DLGAP4: variants seen among roughly 807,000 people sequenced by gnomAD.
The protein encoded by DLGAP4 is DLG associated protein 4, also known as disks large-associated protein 4.
Under a neutral mutation model 86.9 loss-of-function variants are expected in DLGAP4, and 18 were observed. The ratio of observed to expected loss-of-function variants is 0.21; its 90% CI spans 0.14 to 0.31. DLGAP4 has a LOEUF of 0.31. Among genes scored for constraint, DLGAP4 ranks in the 10% least tolerant of loss-of-function variants. DLGAP4 has a pLI of 1.00. For synonymous variants in DLGAP4, 548 were observed against 574.3 expected, an observed-to-expected ratio of 0.95 and a Z score of 0.65; for missense variants, 1,085 against 1,362.6, an observed-to-expected ratio of 0.80 and a Z score of 3.21.
intron 10 of DLGAP4, among the ~76,000 whole-genome samples, chr20:36,510,607 C>T (rs1438838586): frequency 6.6e-6 from 1 of 151,660 alleles, no homozygotes; most frequent in Non-Finnish European, 1.5e-5. Context: ...GATGGGGTTT[C>T]ACCGTGTTGG....
chr20:36,484,536 C>T (rs2035325785), intron 7 of DLGAP4, among the ~76,000 whole-genome samples: 1 of 152,256 alleles, frequency 6.6e-6, no homozygotes, highest in Non-Finnish European at 1.5e-5. Context: ...GCTGTCTGCA[C>T]TGTGGATACA....
At chr20:36,461,830 G>C (rs1204332639) in intron 7 of DLGAP4, 2 of 976,352 alleles carry the variant, frequency 2.0e-6, no homozygotes, top group Admixed American at 6.9e-5. Context: ...CGCCCGCTTT[G>C]TCTCTCCCCG....
intron 1 of DLGAP4, among the ~76,000 whole-genome samples, chr20:36,331,716 C>G (rs1161687248): frequency 1.3e-5 from 2 of 152,192 alleles, no homozygotes; most frequent in Non-Finnish European, 2.9e-5. Flanking sequence ...AGATGTGGTC[C>G]CTGCCCTCAC....
intron 6 of DLGAP4, among the ~76,000 whole-genome samples, chr20:36,444,408 C>T (rs962746995): frequency 3.3e-5 from 5 of 152,072 alleles, no homozygotes; most frequent in African/African-American, 4.8e-5. Context: ...CTCAACCTCC[C>T]GAGTAGCTGG....
chr20:36,404,847 G>C (rs1161886891), intron 2 of DLGAP4, among the ~76,000 whole-genome samples: 1 of 152,220 alleles, frequency 6.6e-6, no homozygotes, highest in East Asian at 1.9e-4. Flanking sequence ...CAGTCCCATG[G>C]GGACCCTCAT....
At chr20:36,316,552 G>A (rs2065102030) in intron 1 of DLGAP4, among the ~76,000 whole-genome samples, 1 of 152,132 alleles carries the variant, frequency 6.6e-6, no homozygotes, top group African/African-American at 2.4e-5. Context: ...CCCCACAGCG[G>A]ACTAGACTGT....
rs1479236641 is a variant in DLGAP4, at chr20:36,508,624, C to G, written c.2512+8013C>G. ...TGTATTTTTAGTAGAGATGAGGTTTCTCCATATTGGTCAGGCTGGTCTTGA... is the reference window on the plus strand; with the variant it reads ...TGTATTTTTAGTAGAGATGAGGTTTGTCCATATTGGTCAGGCTGGTCTTGA... On this transcript the variant is annotated intron_variant, in intron 10 of 12. Transcript: ENST00000339266. 1.1e-4 allele frequency among the ~76,000 whole-genome samples: 17 copies of G among 152,154 alleles called. 1 individual carries two copies. The highest frequency in any genetic ancestry group is 7.2e-4 in the Admixed American group (11 of 15,278).
At chr20:36,512,047 A>AT (rs72011781) in intron 10 of DLGAP4, among the ~76,000 whole-genome samples, 2,701 of 116,056 alleles carry the variant, frequency 0.023, 65 homozygotes, top group East Asian at 0.039. Context: ...TGTCTCTCTG[A>AT]TTTTTTTTTT....
At chr20:36,499,366 C>T (rs1233741266) in intron 8 of DLGAP4, 1 of 1,574,368 alleles carries the variant, frequency 6.4e-7, no homozygotes, top group Non-Finnish European at 8.6e-7. Flanking sequence ...CTCCCGCCCA[C>T]CTGCCCGCCC....
At chr20:36,402,437 T>G (rs968912613) in intron 2 of DLGAP4, among the ~76,000 whole-genome samples, 1 of 152,218 alleles carries the variant, frequency 6.6e-6, no homozygotes, top group Non-Finnish European at 1.5e-5. Context: ...AAATAGTTGC[T>G]GTTACTACTG....
intron 2 of DLGAP4, among the ~76,000 whole-genome samples, chr20:36,376,492 A>T (rs1029964079): frequency 1.2e-4 from 19 of 152,234 alleles, no homozygotes; most frequent in South Asian, 1.2e-3. Context: ...ATAATTTTTT[A>T]AAAAAATAAA....
At chr20:36,522,922 T>C (rs922653957) in intron 10 of DLGAP4, among the ~76,000 whole-genome samples, 2 of 152,176 alleles carry the variant, frequency 1.3e-5, no homozygotes, top group African/African-American at 4.8e-5. Flanking sequence ...AATGCTGTCA[T>C]CACAGCTCAC....
At chr20:36,361,407 C>T (rs1399288869) in intron 1 of DLGAP4, among the ~76,000 whole-genome samples, 4 of 152,134 alleles carry the variant, frequency 2.6e-5, no homozygotes, top group African/African-American at 9.7e-5. Context: ...AACCCTGAGT[C>T]GAATTCTTTT....
intron 2 of DLGAP4, among the ~76,000 whole-genome samples, chr20:36,425,400 G>A (rs775063378): frequency 1.3e-5 from 2 of 152,162 alleles, no homozygotes; most frequent in Admixed American, 6.6e-5. Context: ...CACCTACTAG[G>A]ATGACTATAA....
In DLGAP4 at chr20:36,317,223, T is replaced by TTTTC. The variant is rs1229773592; in HGVS notation, c.-304+10762_-304+10765dup. 3.1e-3 allele frequency among the ~76,000 whole-genome samples: 287 copies of TTTTC among 93,760 alleles called. 4 individuals carry two copies. The highest frequency in any genetic ancestry group is 4.6e-3 in the Non-Finnish European group (209 of 45,548). 61.5% of individuals were successfully genotyped at this position (93,760 alleles called of 152,430 possible). A position where few individuals can be genotyped will look rare whatever the true frequency, so the allele number is the denominator to read the frequency against. ...CCCTCCTTCCTTCCTTCCTCTCCTT[T>TTTTC]TTTCTTTCTTTCTTTCTTTCTTTCT... On this transcript the variant is annotated intron_variant, in intron 1 of 12. Transcript: ENST00000339266.
intron 8 of DLGAP4, chr20:36,498,006 C>T (rs2147769690): frequency 6.6e-6 from 1 of 152,416 alleles, no homozygotes; most frequent in East Asian, 1.9e-4. Flanking sequence ...CCCCCCCAAG[C>T]CCAGGGGTTG....
chr20:36,461,388 G>T, intron 7 of DLGAP4: 1 of 927,420 alleles, frequency 1.1e-6, no homozygotes, highest in South Asian at 4.9e-5. Context: ...AGTCCCTGAC[G>T]ACGCGCGCGC....
chr20:36,387,135 C>G (rs967465579), intron 2 of DLGAP4, among the ~76,000 whole-genome samples: 4 of 152,212 alleles, frequency 2.6e-5, no homozygotes, highest in Admixed American at 1.3e-4. Flanking sequence ...CCACTTTGCA[C>G]TCCTGTTAGT....
chr20:36,491,540 C>G (rs2035662205), intron 7 of DLGAP4, among the ~76,000 whole-genome samples: 2 of 152,032 alleles, frequency 1.3e-5, no homozygotes, highest in Admixed American at 1.3e-4. Context: ...GAAGGGGGCT[C>G]CAGCAGAAAC....
Sources: gnomAD v4.1 joint callset for allele counts (sites outside exome capture counted in the v4.1 genomes callset) on GRCh38, gnomAD v4.1.1 for gene constraint, MANE v1.5 for transcripts, NCBI Gene and HGNC (gene_info 2026-07-23, HGNC 2026-07-21) for gene names.